Variants in KIAA1671 observed in about 807,000 individuals in gnomAD.
KIAA1671 encodes KIAA1671, also known as uncharacterized protein KIAA1671.
A neutral mutation model predicts 131.2 loss-of-function variants in KIAA1671; 52 were observed. That is an observed-to-expected ratio of 0.40 (90% CI 0.32 to 0.50). KIAA1671 has a LOEUF of 0.50. KIAA1671 is among the 20% of genes least tolerant of loss of function. KIAA1671 has a pLI of 0.73. For missense variants in KIAA1671, 2,360 were observed against 2,364.2 expected (o/e 1.00, Z 0.04); for synonymous variants, 1,003 against 961.6 (o/e 1.04, Z -0.80).
intron 1 of KIAA1671, among the ~76,000 whole-genome samples, chr22:24,965,740 C>CAAAAAAAAAAAAAAAAAAA (rs767916092): frequency 2.2e-5 from 1 of 45,894 alleles, no homozygotes; most frequent in Non-Finnish European, 4.7e-5. Flanking sequence ...AACTCCATCT[C>CAAAAAAAAAAAAAAAAAAA]AAAAAAAAAA....
chr22:25,170,150 T>C (rs2146011552), intron 6 of KIAA1671, among the ~76,000 whole-genome samples: 1 of 152,266 alleles, frequency 6.6e-6, no homozygotes, highest in South Asian at 2.1e-4. Context: ...CCTGACCTCG[T>C]GATCCGCCCA....
chr22:25,172,749 C>A, intron 7 of KIAA1671, among the ~76,000 whole-genome samples: 1 of 152,058 alleles, frequency 6.6e-6, no homozygotes, highest in East Asian at 1.9e-4. Context: ...TTCCAATGAC[C>A]CAAGTGATAC....
chr22:25,116,849 A>G (rs1216383305), intron 6 of KIAA1671, among the ~76,000 whole-genome samples: 1 of 152,210 alleles, frequency 6.6e-6, no homozygotes, highest in Non-Finnish European at 1.5e-5. Context: ...AACACATCAG[A>G]ATGTAAATAT....
At chr22:24,977,250 A>G (rs1421839370) in intron 1 of KIAA1671, among the ~76,000 whole-genome samples, 5 of 152,192 alleles carry the variant, frequency 3.3e-5, no homozygotes, top group African/African-American at 4.8e-5. Flanking sequence ...TTTCTTTGAA[A>G]AAAGGGAAAC....
chr22:24,987,511 G>T (rs1339469438), intron 1 of KIAA1671, among the ~76,000 whole-genome samples: 2 of 152,100 alleles, frequency 1.3e-5, no homozygotes, highest in African/African-American at 4.8e-5. Flanking sequence ...CTGTTGCCCA[G>T]TCTGGAGTGC....
chr22:24,974,015 G>A (rs541982398), intron 1 of KIAA1671, among the ~76,000 whole-genome samples: 1 of 152,260 alleles, frequency 6.6e-6, no homozygotes, highest in South Asian at 2.1e-4. Flanking sequence ...ACCTCCTTTG[G>A]TGGTTTGCAC....
chr22:25,136,568 A>C (rs1932684801), intron 6 of KIAA1671, among the ~76,000 whole-genome samples: 1 of 152,204 alleles, frequency 6.6e-6, no homozygotes, highest in South Asian at 2.1e-4. Flanking sequence ...CTGTGGCAGT[A>C]CCCAGAAAAT....
chr22:25,099,470 G>A (rs1930546136), intron 6 of KIAA1671, among the ~76,000 whole-genome samples: 1 of 150,810 alleles, frequency 6.6e-6, no homozygotes, highest in Non-Finnish European at 1.5e-5. Flanking sequence ...GCAGCCTTTG[G>A]ATGAGTGTTG....
chr22:25,119,541 A>T (rs12158130), intron 6 of KIAA1671, among the ~76,000 whole-genome samples: 1 of 152,248 alleles, frequency 6.6e-6, no homozygotes, highest in Non-Finnish European at 1.5e-5. Flanking sequence ...CATGGGACTC[A>T]TAGGAGCAGG....
chr22:25,090,350 C>T (rs1472242362), intron 6 of KIAA1671, among the ~76,000 whole-genome samples: 1 of 152,270 alleles, frequency 6.6e-6, no homozygotes, highest in Non-Finnish European at 1.5e-5. Context: ...CCTCCATCCT[C>T]ATATTTTGGA....
In KIAA1671 at chr22:25,157,831, T is replaced by A. The variant is rs558488269; in HGVS notation, c.4531-12989T>A. 1.4e-4 allele frequency among the ~76,000 whole-genome samples: 22 copies of A among 151,792 alleles called. No individual in the cohort carries two copies. The East Asian group carries it at 2.9e-3, about 20-fold the overall frequency. ...TTTTTTTCCTGTTCTTTTTATTTTT[T>A]TTTTTATTCAGATGGAGTCTCCCTC... On this transcript the variant is annotated intron_variant, in intron 6 of 12. Transcript: ENST00000358431.
chr22:25,073,426 A>C (rs1030957266), intron 6 of KIAA1671, among the ~76,000 whole-genome samples: 3 of 152,208 alleles, frequency 2.0e-5, no homozygotes, highest in Non-Finnish European at 4.4e-5. Flanking sequence ...AAAGTGTGCA[A>C]CCAGATGTTT....
At chr22:24,964,159 T>C (rs1172666472) in intron 1 of KIAA1671, among the ~76,000 whole-genome samples, 1 of 151,868 alleles carries the variant, frequency 6.6e-6, no homozygotes, top group Non-Finnish European at 1.5e-5. Context: ...CAAAACCCTA[T>C]CTCTACTAAA....
intron 1 of KIAA1671, among the ~76,000 whole-genome samples, chr22:24,955,412 C>A (rs715554): frequency 0.43 from 65,554 of 151,894 alleles, 16,603 homozygotes; most frequent in East Asian, 0.76. Context: ...AGGAGGGATG[C>A]GGGTCAGAGA....
At chr22:25,047,917 C>A (rs1927335583) in intron 5 of KIAA1671, among the ~76,000 whole-genome samples, 3 of 152,222 alleles carry the variant, frequency 2.0e-5, no homozygotes, top group African/African-American at 7.2e-5. Flanking sequence ...AGATTTACAC[C>A]TCTATTTTCT....
At chr22:24,991,877 A>T (rs560829108) in intron 1 of KIAA1671, among the ~76,000 whole-genome samples, 2 of 152,180 alleles carry the variant, frequency 1.3e-5, no homozygotes, top group East Asian at 3.9e-4. Flanking sequence ...GGATGAGTGT[A>T]AATAAGCGTG....
intron 1 of KIAA1671, among the ~76,000 whole-genome samples, chr22:25,015,393 G>A (rs1365162665): frequency 2.0e-5 from 3 of 152,072 alleles, no homozygotes; most frequent in Non-Finnish European, 4.4e-5. Context: ...GAAAAACACG[G>A]GGGGAAACAG....
chr22:25,147,726 G>A (rs568763142), intron 6 of KIAA1671, among the ~76,000 whole-genome samples: 1 of 152,278 alleles, frequency 6.6e-6, no homozygotes, highest in Admixed American at 6.5e-5. Context: ...CTCCACAGCA[G>A]GTATCACCTT....
chr22:25,119,003 A>C (rs1981126516), intron 6 of KIAA1671, among the ~76,000 whole-genome samples: 1 of 152,078 alleles, frequency 6.6e-6, no homozygotes, highest in African/African-American at 2.4e-5. Context: ...CCTGGGACCT[A>C]TCTCATTCTA....
Sources: allele counts gnomAD v4.1 joint callset (sites outside exome capture counted in the v4.1 genomes callset), GRCh38; gene constraint gnomAD v4.1.1; transcripts MANE v1.5; gene names NCBI Gene and HGNC (gene_info 2026-07-23, HGNC 2026-07-21).